The following REP15 variants were observed in gnomAD, a reference collection of about 807,000 sequenced individuals.
The protein encoded by REP15 is RAB15 effector protein.
REP15 carries 1 observed loss-of-function variant against 1.1 expected under a neutral mutation model. The ratio of observed to expected loss-of-function variants is 0.89; its 90% CI spans 0.32 to 4.24. The LOEUF (loss-of-function observed/expected upper bound fraction) is 4.24, where lower values mean the gene tolerates loss of function less well. REP15 is among the 30% of genes most tolerant of loss of function. The pLI, the probability that REP15 is intolerant of heterozygous loss-of-function variation, is 0.17. For missense variants in REP15, 246 were observed against 271.9 expected (o/e 0.90, Z 0.67); for synonymous variants, 100 against 99.7 (o/e 1.00, Z -0.02).
chr12:27,696,688 A>G lies in REP15; in HGVS notation c.126A>G (p.Glu42=), dbSNP rs2061731654. The G allele has an allele frequency of 3.7e-6, 6 of 1,614,106 alleles. No homozygotes were observed. The highest frequency in any genetic ancestry group is 5.1e-6 in the Non-Finnish European group (6 of 1,179,954). Residue 42 remains glutamate, a synonymous_variant, in exon 1 of 1, where the codon GAA becomes GAG. Coordinates refer to ENST00000310791, the MANE Select transcript of REP15 (RefSeq NM_001029874.3). ...AACTGAAGGAGTACCTTGGATTTGA[A>G]TATCCTCCAAGTAAACTCTGCCCAG... ...AQKLKEYLGF[E]YPPSKLCPAA...
At position 27,697,302 on chromosome 12, in the gene REP15, TAAGAGG is replaced by T. The variant is rs778144638; in HGVS notation, c.*32_*37del. ...GGATATGTATTATGTGAGTGGCCTG[TAAGAGG>T]AAAAGAAAAAAAGATTCTAATAAGC... On this transcript the variant is annotated 3_prime_UTR_variant, in exon 1 of 1. Coordinates refer to ENST00000310791, the MANE Select transcript of REP15 (RefSeq NM_001029874.3). 5.9e-6 allele frequency: 8 copies of T among 1,349,616 alleles called. No homozygotes were observed. The Admixed American group carries it at 1.4e-4, about 24-fold the overall frequency. The allele number at this position is 1,349,616 out of a possible 1,614,324, so 83.6% of individuals were successfully genotyped here.
chr12:27,696,748 T>C lies in REP15; in HGVS notation c.186T>C (p.His62=), dbSNP rs746367564. The C allele has an allele frequency of 6.2e-7, 1 of 1,614,130 alleles. No individual in the cohort carries two copies. The highest frequency in any genetic ancestry group is 8.5e-7 in the Non-Finnish European group (1 of 1,179,978). ...CTCTGAATGAGATCTTCTTAATCCA[T>C]TTCATCACTTTCTGCCAAGAAAAGG... The part of the protein sequence containing the change: ...ANTLNEIFLI[H]FITFCQEKGV... Residue 62 remains histidine (H), a synonymous_variant, in exon 1 of 1, where the codon CAT becomes CAC. Coordinates refer to ENST00000310791, the MANE Select transcript of REP15 (RefSeq NM_001029874.3).
At position 27,697,555 on chromosome 12, in the gene REP15, A is replaced by C. The variant is rs146277046; in HGVS notation, c.*282A>C. On this transcript the variant is annotated 3_prime_UTR_variant, in exon 1 of 1. Coordinates refer to ENST00000310791, the MANE Select transcript of REP15 (RefSeq NM_001029874.3). ...TTATTCAATAATAAAAATGGAAGAG[A>C]GATAATAAAGTCACATTTAAAGTTT... 1.0e-3 allele frequency: 268 copies of C among 267,040 alleles called. 1 individual carries two copies. In the East Asian group the frequency reaches 0.015, roughly 15 times the overall value. 16.5% of individuals were successfully genotyped at this position (267,040 alleles called of 1,614,324 possible).
Position 27,696,544 on chromosome 12 carries a change from A to G in REP15, c.-19A>G, listed in dbSNP as rs1202247436. The G allele has an allele frequency of 6.4e-7, 1 of 1,571,856 alleles. No individual in the cohort carries two copies. Among genetic ancestry groups the G allele is most frequent in the Non-Finnish European group, 8.7e-7 (1 of 1,149,486 alleles). ...CGTCTGAACCAGATTCACATGTTTG[A>G]TATTTGGATGCAGAGAAAATGGGGC... On this transcript the variant is annotated 5_prime_UTR_variant, in exon 1 of 1. Transcript: ENST00000310791.
rs1304076061 is a variant in REP15 at position 27,696,857 on chromosome 12, G to A, written c.295G>A (p.Gly99Arg). The A allele has an allele frequency of 4.3e-6, 7 of 1,613,798 alleles. No homozygotes were observed. The highest frequency in any genetic ancestry group is 5.9e-6 in the Non-Finnish European group (7 of 1,180,008). Residue 99 changes from glycine to arginine, a missense_variant, in exon 1 of 1, where the codon GGA becomes AGA. Transcript: ENST00000310791. ...TGCAGACTGGATTTGGACCTTTTGGGGATCCAACAAGCAAATAAAGCTTCA... is the reference window on the plus strand; with the variant it reads ...TGCAGACTGGATTTGGACCTTTTGGAGATCCAACAAGCAAATAAAGCTTCA... ...FGADWIWTFW[G>R]SNKQIKLQLA...
rs1277369274 is a variant in REP15 at position 27,697,193 on chromosome 12, A to G, written c.631A>G (p.Ile211Val). The G allele has an allele frequency of 1.9e-6, 3 of 1,614,090 alleles. No individual in the cohort carries two copies. The highest frequency in any genetic ancestry group is 1.1e-5 in the South Asian group (1 of 91,088). ...FVLETEDCVFIKELLRNCLSK... is the reference protein window; with the variant it reads ...FVLETEDCVFVKELLRNCLSK... ...CCTGGAAACTGAAGATTGTGTGTTC[A>G]TCAAAGAGCTGCTCAGAAATTGTCT... Residue 211 changes from isoleucine to valine, a missense_variant, in exon 1 of 1, where the codon ATC becomes GTC. Transcript: ENST00000310791.
At position 27,697,120 on chromosome 12, in the gene REP15, G is replaced by A; in HGVS notation, c.558G>A (p.Gln186=). 1 of 1,614,182 alleles carries A rather than the reference G, an allele frequency of 6.2e-7. No homozygotes were observed. Residue 186 remains glutamine, a synonymous_variant, in exon 1 of 1, where the codon CAG becomes CAA. Coordinates refer to ENST00000310791, the MANE Select transcript of REP15 (RefSeq NM_001029874.3). ...TTGTCCTGGACAGTGTCAAAAGTCA[G>A]ATGGTGAGGAGCCATCTGCCAGGAG... is the stretch of plus-strand genomic sequence containing the variant. ...RGVVLDSVKS[Q]MVRSHLPGGK...
rs2061741991 is a variant in REP15, at chr12:27,697,489, A to T, written c.*216A>T. ...CTGGCTCTGCCTATGATTTAAAAAC[A>T]GTTCAGGAAAAGTTATAATTTAGTT... On this transcript the variant is annotated 3_prime_UTR_variant, in exon 1 of 1. Transcript: ENST00000310791. The T allele has an allele frequency of 2.5e-6, 1 of 406,752 alleles. No individual in the cohort carries two copies. The highest frequency in any genetic ancestry group is 2.0e-5 in the African/African-American group (1 of 48,866). The allele number at this position is 406,752 out of a possible 1,614,324, so 25.2% of individuals were successfully genotyped here. A position where few individuals can be genotyped will look rare whatever the true frequency, so the allele number is the denominator to read the frequency against.
chr12:27,697,563 AAGT>A lies in REP15; in HGVS notation c.*291_*293del. 3.9e-6 allele frequency: 1 copy of A among 256,852 alleles called. No individual in the cohort carries two copies. The highest frequency in any genetic ancestry group is 2.3e-5 in the African/African-American group (1 of 44,374). The allele number at this position is 256,852 out of a possible 1,614,324, so 15.9% of individuals were successfully genotyped here. A position where few individuals can be genotyped will look rare whatever the true frequency, so the allele number is the denominator to read the frequency against. ...TAATAAAAATGGAAGAGAGATAATA[AAGT>A]CACATTTAAAGTTTGATTTGCAAAA... is the stretch of plus-strand genomic sequence containing the variant. On this transcript the variant is annotated 3_prime_UTR_variant, in exon 1 of 1. Transcript: ENST00000310791.
Position 27,696,835 on chromosome 12 carries a change from AGACTGGATTTGGACCTTTT to A in REP15, c.275_293del (p.Asp92GlyfsTer7), listed in dbSNP as rs2061734074. The A allele has an allele frequency of 6.2e-7, 1 of 1,614,128 alleles. No individual in the cohort carries two copies. On this transcript the variant is annotated frameshift_variant, in exon 1 of 1. Transcript: ENST00000310791. LOFTEE classifies it low-confidence loss of function (END_TRUNC). The stretch of plus-strand genomic sequence containing the variant: ...AGCACCAAGCCTTCCTGTTTGGTGC[AGACTGGATTTGGACCTTTT>A]GGGGATCCAACAAGCAAATAAAGCT...
chr12:27,697,172 G>A lies in REP15; in HGVS notation c.610G>A (p.Glu204Lys). ...GGKAVAQFVL[E>K]TEDCVFIKEL... ...GAAGGCTGTGGCTCAGTTTGTCCTG[G>A]AAACTGAAGATTGTGTGTTCATCAA... is the stretch of plus-strand genomic sequence containing the variant. The change falls in exon 1 of 1, where the codon GAA (glutamate) becomes AAA (lysine). Residue 204 changes from glutamate (E) to lysine (K), a missense_variant. Transcript: ENST00000310791. 1 of 1,613,948 alleles carries A rather than the reference G, an allele frequency of 6.2e-7. No homozygotes were observed. The highest frequency in any genetic ancestry group is 8.5e-7 in the Non-Finnish European group (1 of 1,179,854).
At position 27,696,756 on chromosome 12, in the gene REP15, C is replaced by A. The variant is rs372262945; in HGVS notation, c.194C>A (p.Thr65Asn). Residue 65 changes from threonine to asparagine, a missense_variant, in exon 1 of 1, where the codon ACT becomes AAT. Coordinates refer to ENST00000310791, the MANE Select transcript of REP15 (RefSeq NM_001029874.3). ...GAGATCTTCTTAATCCATTTCATCA[C>A]TTTCTGCCAAGAAAAGGGAGTTGAT... ...LNEIFLIHFITFCQEKGVDEW... is the reference protein window; with the variant it reads ...LNEIFLIHFINFCQEKGVDEW... 5.0e-6 allele frequency: 8 copies of A among 1,614,040 alleles called. No individual in the cohort carries two copies. In the African/African-American group the frequency reaches 1.1e-4, roughly 22 times the overall value.
Position 27,696,756 on chromosome 12 carries a change from C to T in REP15, c.194C>T (p.Thr65Ile), listed in dbSNP as rs372262945. Residue 65 changes from threonine to isoleucine, a missense_variant, in exon 1 of 1, where the codon ACT becomes ATT. Thr to Ile is a moderately conservative substitution (Grantham distance 89, BLOSUM62 -1). Transcript: ENST00000310791. ...LNEIFLIHFI[T>I]FCQEKGVDEW... ...GAGATCTTCTTAATCCATTTCATCA[C>T]TTTCTGCCAAGAAAAGGGAGTTGAT... The T allele has an allele frequency of 1.2e-6, 2 of 1,614,158 alleles. No homozygotes were observed. The highest frequency in any genetic ancestry group is 1.7e-6 in the Non-Finnish European group (2 of 1,179,990).
Position 27,696,943 on chromosome 12 carries a change from C to T in REP15, c.381C>T (p.Asp127=), listed in dbSNP as rs1390827506. Residue 127 remains aspartate (D), a synonymous_variant, in exon 1 of 1, where the codon GAC becomes GAT. Coordinates refer to ENST00000310791, the MANE Select transcript of REP15 (RefSeq NM_001029874.3). The part of the protein sequence containing the change: ...SPPPVESKPC[D]LSNPESRVEE... ...CTCCTGTGGAATCTAAGCCTTGTGA[C>T]CTTTCCAATCCAGAATCAAGGGTAG... 1 of 1,614,150 alleles carries T rather than the reference C, an allele frequency of 6.2e-7. No homozygotes were observed. Among genetic ancestry groups the T allele is most frequent in the East Asian group, 2.2e-5 (1 of 44,888 alleles).
chr12:27,697,025 A>G lies in REP15; in HGVS notation c.463A>G (p.Ile155Val). The part of the protein sequence containing the change: ...FDKLEEFCNL[I>V]GEDCLGLFII... ...TAAGCTGGAAGAATTCTGTAACTTA[A>G]TAGGAGAGGATTGCCTGGGTCTGTT... Residue 155 changes from isoleucine (I) to valine (V), a missense_variant, in exon 1 of 1, where the codon ATA becomes GTA. Physicochemically the swap from Ile to Val is conservative, Grantham distance 29. Coordinates refer to ENST00000310791, the MANE Select transcript of REP15 (RefSeq NM_001029874.3). The G allele has an allele frequency of 6.2e-7, 1 of 1,613,956 alleles. No homozygotes were observed. The highest frequency in any genetic ancestry group is 8.5e-7 in the Non-Finnish European group (1 of 1,179,810).
Position 27,697,469 on chromosome 12 carries a change from T to TC in REP15, c.*197dup. The stretch of plus-strand genomic sequence containing the variant: ...AGAGAGAAAAAAAGAAAACCCTGGC[T>TC]CTGCCTATGATTTAAAAACAGTTCA... On this transcript the variant is annotated 3_prime_UTR_variant, in exon 1 of 1. Transcript: ENST00000310791. 2.2e-6 allele frequency: 1 copy of TC among 448,696 alleles called. No homozygotes were observed. 27.8% of individuals were successfully genotyped at this position (448,696 alleles called of 1,614,324 possible).
rs140878486 is a variant in REP15, at chr12:27,696,616, C to T, written c.54C>T (p.Pro18=). 649 of 1,612,754 alleles carry T rather than the reference C, an allele frequency of 4.0e-4. 1 individual carries two copies. The highest frequency in any genetic ancestry group is 5.1e-4 in the Non-Finnish European group (603 of 1,179,100). ...CTCTGAAGGACAGCAAAGAGGTGCC[C>T]GTCGTCTGTGAGGTGGTCAGTGAAG... ...QLALKDSKEV[P]VVCEVVSEAI... is the part of the protein sequence containing the mutation. The change falls in exon 1 of 1, where the codon CCC becomes CCT. Residue 18 remains proline (P), a synonymous_variant. Transcript: ENST00000310791.
chr12:27,697,180 A>T lies in REP15; in HGVS notation c.618A>T (p.Glu206Asp), dbSNP rs12819160. 0.17 allele frequency: 266,405 copies of T among 1,613,524 alleles called. 23,726 individuals are homozygous for T. The highest frequency in any genetic ancestry group is 0.18 in the Non-Finnish European group (217,449 of 1,179,480). Residue 206 changes from glutamate to aspartate, a missense_variant, in exon 1 of 1, where the codon GAA (glutamate) becomes GAT (aspartate). Coordinates refer to ENST00000310791, the MANE Select transcript of REP15 (RefSeq NM_001029874.3). ...KAVAQFVLET[E>D]DCVFIKELLR... ...TGGCTCAGTTTGTCCTGGAAACTGA[A>T]GATTGTGTGTTCATCAAAGAGCTGC... is the stretch of plus-strand genomic sequence containing the variant.
chr12:27,697,340 A>G lies in REP15; in HGVS notation c.*67A>G. Reference sequence around the variant, plus strand: ...AAAAAAGATTCTAATAAGCAAGCTCACCTATTTGCATCATTCCAGCATGGG... The same window carrying G: ...AAAAAAGATTCTAATAAGCAAGCTCGCCTATTTGCATCATTCCAGCATGGG... On this transcript the variant is annotated 3_prime_UTR_variant, in exon 1 of 1. Transcript: ENST00000310791. 1.1e-6 allele frequency: 1 copy of G among 925,594 alleles called. No homozygotes were observed. The highest frequency in any genetic ancestry group is 1.7e-6 in the Non-Finnish European group (1 of 597,830). 57.3% of individuals were successfully genotyped at this position (925,594 alleles called of 1,614,324 possible). A position where few individuals can be genotyped will look rare whatever the true frequency, so the allele number is the denominator to read the frequency against.
Sources: gnomAD v4.1 joint callset for allele counts on GRCh38, gnomAD v4.1.1 for gene constraint, MANE v1.5 for transcripts, NCBI Gene and HGNC (gene_info 2026-07-23, HGNC 2026-07-21) for gene names.